The following ACAN variants were observed in gnomAD, a reference collection of about 807,000 sequenced individuals.
ACAN encodes the protein aggrecan core protein.
A neutral mutation model predicts 169.1 loss-of-function variants in ACAN; 47 were observed. The ratio of observed to expected loss-of-function variants is 0.28; its 90% CI spans 0.22 to 0.35. ACAN has a LOEUF of 0.35. Among genes scored for constraint, ACAN ranks in the 10% least tolerant of loss-of-function variants. The probability of loss-of-function intolerance (pLI) is 1.00; values close to 1 mark genes in which losing one functional copy is unlikely to be tolerated. For missense variants in ACAN, 2,716 were observed against 2,759.9 expected (o/e 0.98, Z 0.36); for synonymous variants, 1,115 against 1,112.2 (o/e 1.00, Z -0.05).
rs185800102 is a variant in ACAN, at chr15:88,858,817, G to T, written c.6232G>T (p.Asp2078Tyr). Residue 2078 changes from aspartate (D) to tyrosine (Y), a missense_variant, in exon 12 of 19, where the codon GAC (aspartate) becomes TAC (tyrosine). Asp to Tyr is a radical substitution (Grantham distance 160, BLOSUM62 -3). Transcript: ENST00000560601. The surrounding 1 kb of genome is among the most constrained non-coding windows in gnomAD (Gnocchi z 4.0). ...ESSGKVSTAG[D>Y]ISGATPVLPG... ...CAGTGGAAAAGTCTCCACAGCTGGG[G>T]ACATTAGTGGAGCTACCCCAGTGCT... The T allele has an allele frequency of 3.2e-5, 51 of 1,613,832 alleles. 1 individual carries two copies. In the Middle Eastern group the frequency reaches 4.9e-4, roughly 16 times the overall value.
chr15:88,855,363 T>C lies in ACAN; in HGVS notation c.2778T>C (p.Ile926=). The change falls in exon 12 of 19, where the codon ATT becomes ATC. Residue 926 remains isoleucine (I), a synonymous_variant. Coordinates refer to ENST00000560601, the MANE Select transcript of ACAN (RefSeq NM_001369268.1). ...SGLPSGDEER[I]EWPSTPTVGE... ...TACCCTCAGGGGATGAAGAGAGAAT[T>C]GAGTGGCCCAGCACTCCTACGGTTG... The C allele has an allele frequency of 6.2e-7, 1 of 1,612,756 alleles. No homozygotes were observed. Among genetic ancestry groups the C allele is most frequent in the Non-Finnish European group, 8.5e-7 (1 of 1,179,096 alleles).
intron 1 of ACAN, among the ~76,000 whole-genome samples, chr15:88,826,358 T>C (rs1017111894): frequency 6.6e-6 from 1 of 150,588 alleles, no homozygotes; most frequent in Non-Finnish European, 1.5e-5. Context: ...GGCATTTGTA[T>C]AGTGGCCTTT....
In ACAN at chr15:88,858,930, C is replaced by A; in HGVS notation, c.6345C>A (p.Ala2115=). The part of the protein sequence containing the change: ...AYPEAGFGAS[A]APEASREDSG... ...CTGAAGCTGGGTTCGGGGCATCTGCCGCCCCTGAGGCCAGCAGAGAAGATT... is the reference window on the plus strand; with the variant it reads ...CTGAAGCTGGGTTCGGGGCATCTGCAGCCCCTGAGGCCAGCAGAGAAGATT... The change falls in exon 12 of 19, where the codon GCC becomes GCA. Residue 2115 remains alanine, a synonymous_variant. Transcript: ENST00000560601. This position sits in a 1 kb window ranked among gnomAD's most constrained non-coding sequence, Gnocchi z 4.0. 3 of 1,609,600 alleles carry A rather than the reference C, an allele frequency of 1.9e-6. No homozygotes were observed. The highest frequency in any genetic ancestry group is 2.5e-6 in the Non-Finnish European group (3 of 1,176,776).
rs1049047108 is a variant in ACAN at position 88,859,376 on chromosome 15, C to T, written c.6791C>T (p.Ala2264Val). The T allele has an allele frequency of 6.3e-7, 1 of 1,575,648 alleles. No individual in the cohort carries two copies. The highest frequency in any genetic ancestry group is 8.6e-7 in the Non-Finnish European group (1 of 1,160,334). ...TCCCCAACAGATGCTTCCATCCCAG[C>T]TTCTCCGGAATGGAAACGTGAATCA... is the stretch of plus-strand genomic sequence containing the variant. ...ATSPTDASIP[A>V]SPEWKRESES... is the part of the protein sequence containing the mutation. Residue 2264 changes from alanine to valine, a missense_variant, in exon 12 of 19, where the codon GCT becomes GTT. Around this residue, in one of 3 missense-constraint regions of ACAN, gnomAD observed 1,389 missense variants for 1,363.7 expected, o/e 1.02. Coordinates refer to ENST00000560601, the MANE Select transcript of ACAN (RefSeq NM_001369268.1).
rs557001407 is a variant in ACAN, at chr15:88,839,108, G to T, written c.454+62G>T. On this transcript the variant is annotated intron_variant, in intron 3 of 18. Transcript: ENST00000560601. This position sits in a 1 kb window ranked among gnomAD's most constrained non-coding sequence, Gnocchi z 4.5. ...CACATAAAGAACCAGAGCAGTCTCCGCAGTGCAGGCGCAGGCAGGCTGGCC... is the reference window on the plus strand; with the variant it reads ...CACATAAAGAACCAGAGCAGTCTCCTCAGTGCAGGCGCAGGCAGGCTGGCC... The T allele has an allele frequency of 1.3e-6, 2 of 1,570,966 alleles. No homozygotes were observed. Among genetic ancestry groups the T allele is most frequent in the South Asian group, 2.3e-5 (2 of 85,924 alleles).
rs977544373 is a variant in ACAN at position 88,807,800 on chromosome 15, C to G, written c.-8+3991C>G. Among the ~76,000 whole-genome samples the G allele has an allele frequency of 7.3e-6, 1 of 137,300 alleles. No homozygotes were observed. Among genetic ancestry groups the G allele is most frequent in the African/African-American group, 2.7e-5 (1 of 36,734 alleles). 90.1% of individuals were successfully genotyped at this position (137,300 alleles called of 152,430 possible). ...TGTGTGTGTGTGCATGCTGGCAGGG[C>G]GGGCCCTGCGGGCTGGCCAGGCCTG... On this transcript the variant is annotated intron_variant, in intron 1 of 18. Coordinates refer to ENST00000560601, the MANE Select transcript of ACAN (RefSeq NM_001369268.1). The surrounding 1 kb of genome is among the most constrained non-coding windows in gnomAD (Gnocchi z 4.0).
chr15:88,844,619 C>G (rs532092918), intron 6 of ACAN, among the ~76,000 whole-genome samples: 1 of 152,094 alleles, frequency 6.6e-6, no homozygotes, highest in African/African-American at 2.4e-5. Flanking sequence ...GTGATCCACC[C>G]ACCTCAGCCT....
In ACAN at chr15:88,873,079, A is replaced by G. The variant is rs1178062643; in HGVS notation, c.7447+54A>G. 2 of 1,581,150 alleles carry G rather than the reference A, an allele frequency of 1.3e-6. No homozygotes were observed. The highest frequency in any genetic ancestry group is 1.3e-5 in the African/African-American group (1 of 74,574). On this transcript the variant is annotated intron_variant, in intron 17 of 18. Transcript: ENST00000560601. The surrounding 1 kb of genome is among the most constrained non-coding windows in gnomAD (Gnocchi z 7.5). ...GAGGATAGGATCAAGACCTCCAGCT[A>G]CAGGTGAGGCTCTTGCTGTGTGGCC...
At chr15:88,854,390 G>A (rs141470261) in intron 11 of ACAN, among the ~76,000 whole-genome samples, 2,254 of 152,332 alleles carry the variant, frequency 0.015, 40 homozygotes, top group African/African-American at 0.04. Flanking sequence ...CCCAGAGGGT[G>A]CTCTTGCTGC....
intron 2 of ACAN, among the ~76,000 whole-genome samples, chr15:88,837,106 C>T (rs1896523704): frequency 6.6e-6 from 1 of 152,234 alleles, no homozygotes; most frequent in Non-Finnish European, 1.5e-5. Context: ...TGGGTCCATC[C>T]TCCTACGGGG....
Position 88,874,178 on chromosome 15 carries a change from C to T in ACAN, c.7630+154C>T, listed in dbSNP as rs1897455271. On this transcript the variant is annotated intron_variant, in intron 18 of 18. Transcript: ENST00000560601. This position sits in a 1 kb window ranked among gnomAD's most constrained non-coding sequence, Gnocchi z 7.3. The stretch of plus-strand genomic sequence containing the variant: ...CTGCTCAGTCACAAATAGCTGACCA[C>T]TGCCCTTAGAAGGGCCACGTACTTG... 1 of 1,153,552 alleles carries T rather than the reference C, an allele frequency of 8.7e-7. No individual in the cohort carries two copies. The highest frequency in any genetic ancestry group is 1.3e-6 in the Non-Finnish European group (1 of 799,708). 71.5% of individuals were successfully genotyped at this position (1,153,552 alleles called of 1,614,324 possible).
chr15:88,848,075 G>A, intron 9 of ACAN, 37 bp downstream of exon 9: 2 of 1,604,708 alleles, frequency 1.2e-6, no homozygotes, highest in Non-Finnish European at 1.7e-6. Context: ...GCCCTAGATG[G>A]GCAGGGGGTG....
At chr15:88,834,122 T>G (rs967995151) in intron 1 of ACAN, among the ~76,000 whole-genome samples, 4 of 152,166 alleles carry the variant, frequency 2.6e-5, no homozygotes, top group Non-Finnish European at 5.9e-5. Context: ...GAGACTTTTC[T>G]TTAAAAGGCA....
chr15:88,852,259 C>T (rs1334321275), intron 11 of ACAN, among the ~76,000 whole-genome samples: 1 of 152,200 alleles, frequency 6.6e-6, no homozygotes, highest in Non-Finnish European at 1.5e-5. Context: ...TTTTTTATTA[C>T]ACATTTACTT....
In ACAN at chr15:88,870,496, C is replaced by T. The variant is rs1394180712; in HGVS notation, c.7061-886C>T. ...GCCAATTCCTGAGGTGTAAATGCTT[C>T]CACCGGGGCCAGTTTAAAGCTATCA... is the stretch of plus-strand genomic sequence containing the variant. On this transcript the variant is annotated intron_variant, in intron 14 of 18. Transcript: ENST00000560601. This position sits in a 1 kb window ranked among gnomAD's most constrained non-coding sequence, Gnocchi z 6.3. Among the ~76,000 whole-genome samples, 1 of 152,176 alleles carries T rather than the reference C, an allele frequency of 6.6e-6. No individual in the cohort carries two copies. Among genetic ancestry groups the T allele is most frequent in the East Asian group, 1.9e-4 (1 of 5,182 alleles).
At position 88,857,211 on chromosome 15, in the gene ACAN, T is replaced by A; in HGVS notation, c.4626T>A (p.Phe1542Leu). 1 of 1,610,232 alleles carries A rather than the reference T, an allele frequency of 6.2e-7. No individual in the cohort carries two copies. Among genetic ancestry groups the A allele is most frequent in the Non-Finnish European group, 8.5e-7 (1 of 1,178,630 alleles). The part of the protein sequence containing the change: ...EEVLEISASG[F>L]GDLSGLPSGG... ...TTCTAGAGATTTCTGCCTCTGGATT[T>A]GGGGACCTCAGTGGACTTCCTTCTG... Residue 1542 changes from phenylalanine to leucine, a missense_variant, in exon 12 of 19, where the codon TTT becomes TTA. By Grantham distance (22) the Phe-to-Leu change is conservative. Coordinates refer to ENST00000560601, the MANE Select transcript of ACAN (RefSeq NM_001369268.1).
Position 88,856,756 on chromosome 15 carries a change from A to C in ACAN, c.4171A>C (p.Ile1391Leu). Residue 1391 changes from isoleucine to leucine, a missense_variant, in exon 12 of 19, where the codon ATC (isoleucine) becomes CTC (leucine). Ile to Leu is a conservative substitution (Grantham distance 5). This residue lies in a region of ACAN where 44 missense variants were observed against 114.7 expected (regional missense o/e 0.38). Transcript: ENST00000560601. ...LETAAPGVED[I>L]SGLPSGEVLE... ...GACTGCTGCCCCTGGAGTAGAGGAC[A>C]TCAGCGGGCTTCCTTCTGGAGAAGT... is the stretch of plus-strand genomic sequence containing the variant. 1 of 962,412 alleles carries C rather than the reference A, an allele frequency of 1.0e-6. No homozygotes were observed. Among genetic ancestry groups the C allele is most frequent in the Non-Finnish European group, 1.5e-6 (1 of 662,382 alleles). 59.6% of individuals were successfully genotyped at this position (962,412 alleles called of 1,614,324 possible).
chr15:88,873,185 TC>T lies in ACAN; in HGVS notation c.7447+162del, dbSNP rs549506131. Among the ~76,000 whole-genome samples the T allele has an allele frequency of 1.7e-3, 258 of 152,240 alleles. 1 individual carries two copies. Among genetic ancestry groups the T allele is most frequent in the South Asian group, 5.0e-3 (24 of 4,826 alleles). ...AGACTGGAGCTGACCTAGGGGTCCC[TC>T]CTAGCACCGGCATCCCAGGGCCAAT... is the stretch of plus-strand genomic sequence containing the variant. On this transcript the variant is annotated intron_variant, in intron 17 of 18. Coordinates refer to ENST00000560601, the MANE Select transcript of ACAN (RefSeq NM_001369268.1). The surrounding 1 kb of genome is among the most constrained non-coding windows in gnomAD (Gnocchi z 7.5).
In ACAN at chr15:88,843,130, CT is replaced by C. The variant is rs1486638341; in HGVS notation, c.758-224del. Among the ~76,000 whole-genome samples the C allele has an allele frequency of 2.6e-5, 4 of 152,204 alleles. No homozygotes were observed. The highest frequency in any genetic ancestry group is 4.4e-5 in the Non-Finnish European group (3 of 68,042). ...TTGCCCAATCTCCCTGCCACTTTTG[CT>C]GCTTCTTTCTTGGTCCCCTTGTTTT... On this transcript the variant is annotated intron_variant, in intron 5 of 18. Transcript: ENST00000560601. The surrounding 1 kb of genome is among the most constrained non-coding windows in gnomAD (Gnocchi z 4.0).
Sources: allele counts gnomAD v4.1 joint callset (sites outside exome capture counted in the v4.1 genomes callset), GRCh38; gene constraint gnomAD v4.1.1; regional missense constraint gnomAD v4.1.1; non-coding constraint Gnocchi (gnomAD v3.1); transcripts MANE v1.5; gene names NCBI Gene and HGNC (gene_info 2026-07-23, HGNC 2026-07-21).